ADORA2B: variants seen among roughly 807,000 people sequenced by gnomAD.
ADORA2B encodes adenosine A2b receptor.
Under a neutral mutation model 20.8 loss-of-function variants are expected in ADORA2B, and 18 were observed. That is an observed-to-expected ratio of 0.87 (90% confidence interval 0.60 to 1.29). The LOEUF (loss-of-function observed/expected upper bound fraction) is 1.29, where lower values mean the gene tolerates loss of function less well. ADORA2B is among the 50% of genes most tolerant of loss of function. The probability of loss-of-function intolerance (pLI) is 0.00; values close to 1 mark genes in which losing one functional copy is unlikely to be tolerated. For synonymous variants in ADORA2B, 179 were observed against 178.3 expected (o/e 1.00, Z -0.03); for missense variants, 441 against 422.7 (o/e 1.04, Z -0.38).
the ADORA2B span, among the ~76,000 whole-genome samples, chr17:15,915,201 C>T: frequency 6.6e-6 from 1 of 152,216 alleles, no homozygotes; most frequent in African/African-American, 2.4e-5. Flanking sequence ...CCCCTTCCTG[C>T]ATCTTCAAAG....
chr17:15,972,687 A>G (rs752317144), intron 1 of ADORA2B, among the ~76,000 whole-genome samples: 2 of 152,190 alleles, frequency 1.3e-5, no homozygotes, highest in African/African-American at 2.4e-5. Flanking sequence ...ATACTGGTCA[A>G]ACCTCTTAAG....
chr17:15,855,920 G>C, the ADORA2B span, among the ~76,000 whole-genome samples: 3 of 151,754 alleles, frequency 2.0e-5, no homozygotes, highest in African/African-American at 7.3e-5. Flanking sequence ...TTGCTTGACT[G>C]AAACTGTACC....
In ADORA2B at chr17:15,975,281, C is replaced by G. The variant is rs150639935; in HGVS notation, c.938C>G (p.Ala313Gly). The G allele has an allele frequency of 1.2e-6, 2 of 1,613,476 alleles. No individual in the cohort carries two copies. The highest frequency in any genetic ancestry group is 1.3e-5 in the African/African-American group (1 of 74,890). Residue 313 changes from alanine (A) to glycine (G), a missense_variant, in exon 2 of 2, where the codon GCA becomes GGA. Physicochemically the swap from Ala to Gly is moderately conservative, Grantham distance 60. Transcript: ENST00000304222. ...KIISRYLLCQ[A>G]DVKSGNGQAG... ...ATCTCCAGGTATCTTCTCTGCCAAG[C>G]AGATGTCAAGAGTGGGAATGGTCAG... is the stretch of plus-strand genomic sequence containing the variant.
At chr17:15,938,840 G>T in the ADORA2B span, among the ~76,000 whole-genome samples, 1 of 152,038 alleles carries the variant, frequency 6.6e-6, no homozygotes, top group South Asian at 2.1e-4. Flanking sequence ...TGTATAATTA[G>T]GTTTACACTG....
At chr17:15,918,960 G>T in the ADORA2B span, among the ~76,000 whole-genome samples, 1 of 152,186 alleles carries the variant, frequency 6.6e-6, no homozygotes, top group Non-Finnish European at 1.5e-5. Context: ...AAGCCTGAGT[G>T]AACCACCCAG....
chr17:15,902,808 A>G, the ADORA2B span, among the ~76,000 whole-genome samples: 13,062 of 152,160 alleles, frequency 0.086, 1,589 homozygotes, highest in African/African-American at 0.27. Context: ...GTAGCCTTGA[A>G]GTTCAGAATC....
chr17:15,883,342 A>G, the ADORA2B span, among the ~76,000 whole-genome samples: 9 of 152,218 alleles, frequency 5.9e-5, no homozygotes, highest in Admixed American at 5.9e-4. Context: ...TGTGAACAAA[A>G]TCATGTTTTC....
intron 1 of ADORA2B, among the ~76,000 whole-genome samples, chr17:15,953,464 C>T (rs2779199): frequency 0.81 from 122,991 of 152,054 alleles, 55,420 homozygotes; most frequent in Non-Finnish European, 0.99. Context: ...GCATTTGCCC[C>T]GAGGGGCGCT....
chr17:15,854,452 G>GAATAGAAT, the ADORA2B span, among the ~76,000 whole-genome samples: 1 of 152,192 alleles, frequency 6.6e-6, no homozygotes, highest in East Asian at 1.9e-4. Context: ...TAGAAAACTA[G>GAATAGAAT]GAATAGAAGG....
chr17:15,857,670 G>A, the ADORA2B span, among the ~76,000 whole-genome samples: 5 of 151,962 alleles, frequency 3.3e-5, no homozygotes, highest in East Asian at 9.7e-4. Context: ...TGCCCCACTG[G>A]GTTTTGGACT....
At chr17:15,928,037 T>C in the ADORA2B span, among the ~76,000 whole-genome samples, 1 of 151,998 alleles carries the variant, frequency 6.6e-6, no homozygotes, top group African/African-American at 2.4e-5. Context: ...CTTGATCTCC[T>C]GACCTCGTGA....
the ADORA2B span, among the ~76,000 whole-genome samples, chr17:15,910,872 A>C: frequency 2.0e-5 from 3 of 152,186 alleles, no homozygotes; most frequent in Admixed American, 6.5e-5. Flanking sequence ...AGCCACCACT[A>C]ACCTGGGGAC....
chr17:15,902,199 T>A, the ADORA2B span, among the ~76,000 whole-genome samples: 6,123 of 149,708 alleles, frequency 0.041, 439 homozygotes, highest in African/African-American at 0.14. Flanking sequence ...AGCATTAGCA[T>A]GTACCAGGAT....
the ADORA2B span, among the ~76,000 whole-genome samples, chr17:15,909,572 C>CATT: frequency 1.3e-5 from 2 of 151,786 alleles, no homozygotes; most frequent in African/African-American, 2.4e-5. Context: ...TCACGGTCCT[C>CATT]GTCTTTGACC....
the ADORA2B span, among the ~76,000 whole-genome samples, chr17:15,894,029 G>A: frequency 6.6e-6 from 1 of 152,150 alleles, no homozygotes. Context: ...TTGGCCCATG[G>A]GCAGCAGTTT....
chr17:15,889,037 A>G, the ADORA2B span, among the ~76,000 whole-genome samples: 2 of 116,868 alleles, frequency 1.7e-5, no homozygotes, highest in Non-Finnish European at 3.5e-5. Flanking sequence ...TGATTTTTGT[A>G]TTCTTAATAG....
At chr17:15,877,994 T>C in the ADORA2B span, among the ~76,000 whole-genome samples, 1 of 152,116 alleles carries the variant, frequency 6.6e-6, no homozygotes, top group African/African-American at 2.4e-5. Flanking sequence ...CAGTTAATGC[T>C]TTTGGGGGAA....
intron 1 of ADORA2B, among the ~76,000 whole-genome samples, chr17:15,969,816 C>T (rs768530649): frequency 6.6e-6 from 1 of 152,196 alleles, no homozygotes; most frequent in Non-Finnish European, 1.5e-5. Context: ...ATTCAGTCTC[C>T]GTACTCTGGC....
intron 1 of ADORA2B, among the ~76,000 whole-genome samples, chr17:15,967,540 G>A (rs1970136375): frequency 6.6e-6 from 1 of 152,110 alleles, no homozygotes; most frequent in South Asian, 2.1e-4. Flanking sequence ...CAAAGGGACA[G>A]ATTATTAAAG....
Sources: allele counts gnomAD v4.1 joint callset (sites outside exome capture counted in the v4.1 genomes callset), GRCh38; gene constraint gnomAD v4.1.1; transcripts MANE v1.5; gene names NCBI Gene and HGNC (gene_info 2026-07-23, HGNC 2026-07-21).